PPFIA2: variants seen among roughly 807,000 people sequenced by gnomAD.
PPFIA2 encodes the protein liprin-alpha-2.
A neutral mutation model predicts 175.5 loss-of-function variants in PPFIA2; 46 were observed. The observed-to-expected ratio is 0.26, with a 90% CI of 0.21 to 0.34. PPFIA2 has a LOEUF of 0.34. Among genes scored for constraint, PPFIA2 ranks in the 10% least tolerant of loss-of-function variants. PPFIA2 has a pLI of 1.00. For synonymous variants in PPFIA2, 568 were observed against 511.4 expected (o/e 1.11, Z -1.49); for missense variants, 1,179 against 1,506.1 (o/e 0.78, Z 3.60).
At chr12:81,719,246 T>C (rs903621215) in intron 3 of PPFIA2, among the ~76,000 whole-genome samples, 1 of 151,756 alleles carries the variant, frequency 6.6e-6, no homozygotes, top group East Asian at 1.9e-4. Flanking sequence ...TGTTGTTCAA[T>C]GTATAGTAAC....
At chr12:81,439,179 CT>C (rs1270898936) in intron 7 of PPFIA2, among the ~76,000 whole-genome samples, 1 of 149,910 alleles carries the variant, frequency 6.7e-6, no homozygotes, top group African/African-American at 2.4e-5. Context: ...CTCTCTCTCT[CT>C]CTCTCTATAT....
At chr12:81,371,894 TACACACAC>T (rs928831240) in intron 11 of PPFIA2, among the ~76,000 whole-genome samples, 1 of 146,978 alleles carries the variant, frequency 6.8e-6, no homozygotes, top group Non-Finnish European at 1.5e-5. Flanking sequence ...GCTTTGCCTA[TACACACAC>T]ACACACAAAC....
intron 4 of PPFIA2, among the ~76,000 whole-genome samples, chr12:81,581,919 C>A (rs894774322): frequency 6.6e-6 from 1 of 151,742 alleles, no homozygotes; most frequent in African/African-American, 2.4e-5. Flanking sequence ...TTCTCTTCAA[C>A]CTTGAGAAAC....
At chr12:81,526,078 G>T (rs1594490373) in intron 4 of PPFIA2, among the ~76,000 whole-genome samples, 1 of 152,238 alleles carries the variant, frequency 6.6e-6, no homozygotes, top group East Asian at 1.9e-4. Flanking sequence ...CAAGTACTTA[G>T]ATATTAGACT....
chr12:81,415,209 AAATATATATATATATATATATATATAT>A (rs1566727996), intron 7 of PPFIA2, among the ~76,000 whole-genome samples: 12 of 35,304 alleles, frequency 3.4e-4, no homozygotes, highest in Non-Finnish European at 5.9e-4. Flanking sequence ...AAAAAAAAAA[AAATATATATATATATATATATATATAT>A]ATATATATAT....
At chr12:81,306,962 A>G (rs1206232649) in intron 22 of PPFIA2, among the ~76,000 whole-genome samples, 3 of 152,124 alleles carry the variant, frequency 2.0e-5, no homozygotes, top group Non-Finnish European at 4.4e-5. Context: ...TCTTGATTTA[A>G]TTATCTAATT....
At chr12:81,669,272 A>G (rs1460883073) in intron 4 of PPFIA2, among the ~76,000 whole-genome samples, 1 of 151,850 alleles carries the variant, frequency 6.6e-6, no homozygotes, top group East Asian at 1.9e-4. Context: ...CACCTTTGTA[A>G]TTTTATTCCA....
chr12:81,534,239 T>C (rs192473972), intron 4 of PPFIA2, among the ~76,000 whole-genome samples: 8 of 151,636 alleles, frequency 5.3e-5, no homozygotes, highest in Admixed American at 1.3e-4. Context: ...ATAGAAGGAA[T>C]AAGTTCTAAA....
intron 4 of PPFIA2, among the ~76,000 whole-genome samples, chr12:81,620,366 G>A (rs1444588821): frequency 2.0e-5 from 3 of 151,950 alleles, no homozygotes; most frequent in African/African-American, 7.2e-5. Context: ...AAACAATAAT[G>A]ATTCACATCG....
intron 4 of PPFIA2, among the ~76,000 whole-genome samples, chr12:81,661,218 T>C (rs1210489426): frequency 6.6e-5 from 10 of 152,146 alleles, no homozygotes; most frequent in Non-Finnish European, 1.3e-4. Context: ...TAAATGTAAA[T>C]GAGCTAAATG....
At chr12:81,389,466 T>C (rs1489660921) in intron 8 of PPFIA2, among the ~76,000 whole-genome samples, 2 of 152,068 alleles carry the variant, frequency 1.3e-5, no homozygotes, top group Middle Eastern at 3.2e-3. Context: ...GCATAGTCTT[T>C]ATGCTACTGT....
In PPFIA2 at chr12:81,294,416, GGGAA is replaced by G. The variant is rs1355549113; in HGVS notation, c.2925+415_2925+418del. On this transcript the variant is annotated intron_variant, in intron 24 of 32. Transcript: ENST00000549396. ...GAAAGAGAAAGGAAGGAAGGAAGAA[GGGAA>G]GGAAGGAAGGAAGGTAGGTAGGAAG... is the stretch of plus-strand genomic sequence containing the variant. Among the ~76,000 whole-genome samples, 267 of 124,164 alleles carry G rather than the reference GGGAA, an allele frequency of 2.2e-3. 1 individual carries two copies. The highest frequency in any genetic ancestry group is 6.5e-3 in the African/African-American group (213 of 32,586). The allele number at this position is 124,164 out of a possible 152,430, so 81.5% of individuals were successfully genotyped here. A position where few individuals can be genotyped will look rare whatever the true frequency, so the allele number is the denominator to read the frequency against.
At chr12:81,739,941 T>C (rs1180836037) in intron 3 of PPFIA2, among the ~76,000 whole-genome samples, 3 of 152,124 alleles carry the variant, frequency 2.0e-5, no homozygotes, top group East Asian at 3.9e-4. Flanking sequence ...CTATTAGTCT[T>C]TGTACTTGCC....
chr12:81,644,600 GCTTT>G (rs1298789835), intron 4 of PPFIA2, among the ~76,000 whole-genome samples: 6 of 151,940 alleles, frequency 3.9e-5, no homozygotes, highest in Non-Finnish European at 8.8e-5. Context: ...GTAGTATGGT[GCTTT>G]CTTTCTATAC....
rs147988735 is a variant in PPFIA2 at position 81,574,301 on chromosome 12, C to A, written c.303+102490G>T. Among the ~76,000 whole-genome samples, 907 of 151,788 alleles carry A rather than the reference C, an allele frequency of 6.0e-3. 11 individuals carry two copies. Among genetic ancestry groups the A allele is most frequent in the African/African-American group, 0.021 (860 of 41,430 alleles). On this transcript the variant is annotated intron_variant, in intron 4 of 32. Transcript: ENST00000549396. ...TTCTGGATAAGATTCTATTTAATAGCAAAAGATGATCATTTTTTAAAGAAT... is the reference window on the plus strand; with the variant it reads ...TTCTGGATAAGATTCTATTTAATAGAAAAAGATGATCATTTTTTAAAGAAT...
At chr12:81,385,123 G>A (rs543243059) in intron 8 of PPFIA2, among the ~76,000 whole-genome samples, 12 of 152,094 alleles carry the variant, frequency 7.9e-5, no homozygotes, top group South Asian at 2.1e-4. Flanking sequence ...TACCAACAAC[G>A]CATCAGGAAA....
chr12:81,484,836 A>C (rs2058646866), intron 4 of PPFIA2, among the ~76,000 whole-genome samples: 1 of 151,960 alleles, frequency 6.6e-6, no homozygotes, highest in Admixed American at 6.6e-5. Context: ...TCATATAACT[A>C]ATTTTGGAGA....
In PPFIA2 at chr12:81,454,210, C is replaced by A. The variant is rs532210153; in HGVS notation, c.405+3555G>T. On this transcript the variant is annotated intron_variant, in intron 5 of 32. Coordinates refer to ENST00000549396, the MANE Select transcript of PPFIA2 (RefSeq NM_003625.5). ...ACTCCAGCCTGAGCAAGAGTGAGAC[C>A]TCGTCTCAAAAGAATTAAAAAAAGA... Among the ~76,000 whole-genome samples the A allele has an allele frequency of 9.6e-4, 146 of 152,052 alleles. 1 individual carries two copies. The highest frequency in any genetic ancestry group is 3.4e-3 in the Middle Eastern group (1 of 294).
At chr12:81,612,164 T>C (rs560004080) in intron 4 of PPFIA2, among the ~76,000 whole-genome samples, 1 of 152,252 alleles carries the variant, frequency 6.6e-6, no homozygotes, top group African/African-American at 2.4e-5. Context: ...GTCAGCCATC[T>C]TGTCCTCCTG....
Sources: allele counts gnomAD v4.1 joint callset (sites outside exome capture counted in the v4.1 genomes callset), GRCh38; gene constraint gnomAD v4.1.1; transcripts MANE v1.5; gene names NCBI Gene and HGNC (gene_info 2026-07-23, HGNC 2026-07-21).